The following WDPCP variants were observed in gnomAD, a reference collection of about 807,000 sequenced individuals.
WDPCP encodes WD repeat-containing and planar cell polarity effector protein fritz homolog.
A neutral mutation model predicts 93.1 loss-of-function variants in WDPCP; 71 were observed. The observed-to-expected ratio is 0.76, with a 90% CI of 0.63 to 0.93. The LOEUF is 0.93. WDPCP is among the 40% of genes least tolerant of loss of function. The pLI, the probability that WDPCP is intolerant of heterozygous loss-of-function variation, is 0.00. For missense variants in WDPCP, 844 were observed against 887.4 expected (o/e 0.95, Z 0.62); for synonymous variants, 315 against 315.0 (o/e 1.00, Z 0.00).
At chr2:63,754,109 T>A (rs1352841696) in intron 2 of WDPCP, among the ~76,000 whole-genome samples, 3 of 152,230 alleles carry the variant, frequency 2.0e-5, no homozygotes, top group African/African-American at 7.2e-5. Flanking sequence ...AGAGTTGTCA[T>A]CCCTGGTGGC....
intron 6 of WDPCP, among the ~76,000 whole-genome samples, chr2:63,448,270 CATAAATGAAAAAAGA>C (rs916397258): frequency 1.8e-4 from 27 of 151,932 alleles, no homozygotes; most frequent in African/African-American, 5.6e-4. Context: ...ACTAATGTGG[CATAAATGAAAAAAGA>C]ATAAATGAAA....
intron 2 of WDPCP, chr2:63,752,197 C>CTT (rs367803359): frequency 1.1e-4 from 64 of 578,566 alleles, no homozygotes; most frequent in African/African-American, 6.4e-4. Context: ...GACAAAGCTC[C>CTT]TTTTTTTTTT....
chr2:63,803,906 C>T (rs1014281183), intron 2 of WDPCP, among the ~76,000 whole-genome samples: 4 of 152,162 alleles, frequency 2.6e-5, no homozygotes, highest in Admixed American at 2.6e-4. Context: ...CAATTAAATG[C>T]CATGCTTTTA....
At chr2:63,214,556 C>T (rs1049351016) in intron 14 of WDPCP, among the ~76,000 whole-genome samples, 1 of 152,134 alleles carries the variant, frequency 6.6e-6, no homozygotes, top group Non-Finnish European at 1.5e-5. Flanking sequence ...CCTTTGAAAA[C>T]TGGCACAAGA....
chr2:63,197,399 T>C (rs1004688593), intron 14 of WDPCP, among the ~76,000 whole-genome samples: 7 of 152,174 alleles, frequency 4.6e-5, no homozygotes, highest in South Asian at 2.1e-4. Context: ...TAGTTAAGCT[T>C]TGGTAAAGTC....
At position 63,708,811 on chromosome 2, in the gene WDPCP, C is replaced by T. The variant is rs959573393; in HGVS notation, n.309-57973G>A. Among the ~76,000 whole-genome samples the T allele has an allele frequency of 7.9e-5, 12 of 151,862 alleles. 1 individual carries two copies. The highest frequency in any genetic ancestry group is 2.7e-4 in the African/African-American group (11 of 41,418). ...ATTTTTAGTACAGACAGGGTTTCAT[C>T]GTGTTAGCCAGAATGGTCTGGATCT... On this transcript the variant is annotated intron_variant and non_coding_transcript_variant, in intron 2 of 4. Coordinates refer to the WDPCP transcript ENST00000467687.
intron 6 of WDPCP, among the ~76,000 whole-genome samples, chr2:63,482,023 T>A (rs1700294448): frequency 6.6e-6 from 1 of 152,000 alleles, no homozygotes; most frequent in Non-Finnish European, 1.5e-5. Context: ...GTGACGGGAA[T>A]TAGTTTTTAA....
intron 3 of WDPCP, among the ~76,000 whole-genome samples, chr2:63,634,518 G>A (rs995129373): frequency 1.3e-5 from 2 of 152,130 alleles, no homozygotes; most frequent in South Asian, 2.1e-4. Context: ...TAGATCAAAT[G>A]TACCTAACAG....
At chr2:63,343,900 A>G (rs926185269) in intron 12 of WDPCP, among the ~76,000 whole-genome samples, 2 of 151,918 alleles carry the variant, frequency 1.3e-5, no homozygotes, top group African/African-American at 4.8e-5. Flanking sequence ...GATATTCTCT[A>G]TTTGCTGAGG....
intron 2 of WDPCP, among the ~76,000 whole-genome samples, chr2:63,722,935 T>C (rs370123722): frequency 2.0e-5 from 3 of 152,074 alleles, no homozygotes; most frequent in Non-Finnish European, 4.4e-5. Context: ...TTTTGTTCTG[T>C]ACTAAGAAAA....
At chr2:63,604,216 G>A (rs1371891749) in intron 3 of WDPCP, among the ~76,000 whole-genome samples, 3 of 151,996 alleles carry the variant, frequency 2.0e-5, no homozygotes, top group African/African-American at 7.3e-5. Context: ...CATATTTAGG[G>A]TTATTTGAAA....
In WDPCP at chr2:63,493,064, T is replaced by C. The variant is rs138906591; in HGVS notation, c.76-124A>G. On this transcript the variant is annotated intron_variant, in intron 1 of 17. Coordinates refer to ENST00000272321, the MANE Select transcript of WDPCP (RefSeq NM_015910.7). ...AACTGTTATTTGAAATATGGCCCAT[T>C]AGAATAAACATACTCTAGTGTATCC... is the stretch of plus-strand genomic sequence containing the variant. The C allele has an allele frequency of 1.0e-4, 85 of 821,850 alleles. No homozygotes were observed. The African/African-American group carries it at 1.2e-3, about 11-fold the overall frequency. 50.9% of individuals were successfully genotyped at this position (821,850 alleles called of 1,614,324 possible). A position where few individuals can be genotyped will look rare whatever the true frequency, so the allele number is the denominator to read the frequency against.
intron 13 of WDPCP, among the ~76,000 whole-genome samples, chr2:63,274,731 T>C (rs896430518): frequency 1.3e-5 from 2 of 152,106 alleles, no homozygotes; most frequent in Non-Finnish European, 1.5e-5. Flanking sequence ...CCTGGACATA[T>C]ACAACCTACC....
intron 12 of WDPCP, among the ~76,000 whole-genome samples, chr2:63,372,535 G>GA (rs1452098908): frequency 2.0e-5 from 3 of 151,942 alleles, no homozygotes; most frequent in Non-Finnish European, 4.4e-5. Flanking sequence ...TTATTCATGG[G>GA]AAAAAAGTAT....
intron 14 of WDPCP, among the ~76,000 whole-genome samples, chr2:63,188,057 G>C (rs1281582241): frequency 6.6e-6 from 1 of 152,100 alleles, no homozygotes; most frequent in Non-Finnish European, 1.5e-5. Context: ...GAAATCTGCT[G>C]ATAACCTTAG....
intron 14 of WDPCP, among the ~76,000 whole-genome samples, chr2:63,222,582 T>C (rs1677934382): frequency 1.3e-5 from 2 of 152,184 alleles, no homozygotes; most frequent in Non-Finnish European, 2.9e-5. Context: ...TAGGAGTGGA[T>C]AGAGCAGATG....
intron 12 of WDPCP, among the ~76,000 whole-genome samples, chr2:63,335,883 G>A (rs1209343593): frequency 6.6e-6 from 1 of 152,190 alleles, no homozygotes; most frequent in Non-Finnish European, 1.5e-5. Context: ...CAGTAAAGGA[G>A]TCAGACAAAA....
chr2:63,589,439 C>A, upstream of WDPCP: 1 of 1,509,176 alleles, frequency 6.6e-7, no homozygotes, highest in South Asian at 1.2e-5. Context: ...CTCATTTGCC[C>A]ACAGTGTTTA....
intron 1 of WDPCP, among the ~76,000 whole-genome samples, chr2:63,516,245 G>C (rs1468702765): frequency 6.6e-6 from 1 of 152,064 alleles, no homozygotes; most frequent in Non-Finnish European, 1.5e-5. Context: ...TCATAAATGT[G>C]TAATAATCAA....
Sources: gnomAD v4.1 joint callset for allele counts (sites outside exome capture counted in the v4.1 genomes callset) on GRCh38, gnomAD v4.1.1 for gene constraint, MANE v1.5 for transcripts, NCBI Gene and HGNC (gene_info 2026-07-23, HGNC 2026-07-21) for gene names.